Variants in PCDH9 observed in about 807,000 individuals in gnomAD.
PCDH9 encodes protocadherin-9.
In PCDH9, 24 loss-of-function variants were observed where a neutral mutation model predicts 70.6. The ratio of observed to expected loss-of-function variants is 0.34; its 90% CI spans 0.25 to 0.48. The LOEUF (loss-of-function observed/expected upper bound fraction) is 0.48. PCDH9 is among the 20% of genes least tolerant of loss of function. The pLI is 0.99. For synonymous variants in PCDH9, 562 were observed against 558.5 expected, an observed-to-expected ratio of 1.01 and a Z score of -0.09; for missense variants, 1,281 against 1,503.6, an observed-to-expected ratio of 0.85 and a Z score of 2.45.
chr13:66,600,314 C>T (rs1045432251), intron 4 of PCDH9, among the ~76,000 whole-genome samples: 3 of 151,802 alleles, frequency 2.0e-5, no homozygotes, highest in African/African-American at 4.8e-5. Context: ...TTCAAAACAA[C>T]GTATTTTAGA....
chr13:67,132,925 G>T (rs1365609155), intron 2 of PCDH9, among the ~76,000 whole-genome samples: 6 of 152,016 alleles, frequency 3.9e-5, no homozygotes, highest in African/African-American at 1.4e-4. Flanking sequence ...TGACTACTCT[G>T]TGTGTTTTCT....
chr13:66,879,544 T>C (rs1031702250), intron 3 of PCDH9, among the ~76,000 whole-genome samples: 3 of 152,170 alleles, frequency 2.0e-5, no homozygotes, highest in African/African-American at 7.2e-5. Flanking sequence ...GATGACATGA[T>C]AGCTTTGGAA....
rs534727487 is a variant in PCDH9 at position 67,018,597 on chromosome 13, A to G, written c.3037-114992T>C. ...TTGTGCCACTGCACTTCAGCCTGGC[A>G]ACAGAGCGAGACTCGTCTCAAAAAA... On this transcript the variant is annotated intron_variant, in intron 2 of 4. Transcript: ENST00000377865. Among the ~76,000 whole-genome samples, 617 of 150,082 alleles carry G rather than the reference A, an allele frequency of 4.1e-3. 3 individuals carry two copies. The highest frequency in any genetic ancestry group is 7.4e-3 in the Non-Finnish European group (498 of 67,434).
Position 66,643,537 on chromosome 13 carries a change from T to C in PCDH9, c.3139-12126A>G, listed in dbSNP as rs534657480. ...TAGTTAGTCTGTCCTTTGAAAACAT[T>C]ACCGAGTCACCTATCTCAGTTATTT... On this transcript the variant is annotated intron_variant, in intron 3 of 4. Coordinates refer to ENST00000377865, the MANE Select transcript of PCDH9 (RefSeq NM_203487.3). 4.9e-4 allele frequency among the ~76,000 whole-genome samples: 75 copies of C among 152,162 alleles called. 2 individuals carry two copies. The South Asian group carries it at 0.015, about 31-fold the overall frequency.
intron 4 of PCDH9, among the ~76,000 whole-genome samples, chr13:66,563,616 G>T (rs2076609101): frequency 6.6e-6 from 1 of 151,860 alleles, no homozygotes; most frequent in Non-Finnish European, 1.5e-5. Flanking sequence ...TACCATGCTG[G>T]GTGTCACATA....
At position 66,481,301 on chromosome 13, in the gene PCDH9, TA is replaced by T. The variant is rs35064904; in HGVS notation, c.3340+149908del. On this transcript the variant is annotated intron_variant, in intron 4 of 4. Coordinates refer to ENST00000377865, the MANE Select transcript of PCDH9 (RefSeq NM_203487.3). ...ACATGTACCCCAGAACTTAAAGTAT[TA>T]AAAAAAAAAAAAAAGAAACTGCCAT... Among the ~76,000 whole-genome samples, 1,125 of 138,606 alleles carry T rather than the reference TA, an allele frequency of 8.1e-3. 11 individuals carry two copies. The highest frequency in any genetic ancestry group is 0.02 in the African/African-American group (753 of 37,682). The allele number at this position is 138,606 out of a possible 152,430, so 90.9% of individuals were successfully genotyped here.
intron 4 of PCDH9, among the ~76,000 whole-genome samples, chr13:66,317,227 A>T (rs2138077675): frequency 6.6e-6 from 1 of 152,302 alleles, no homozygotes; most frequent in South Asian, 2.1e-4. Flanking sequence ...AGAAAAAAAA[A>T]GTTAGCACTG....
At chr13:67,151,832 C>G (rs9317643) in intron 2 of PCDH9, among the ~76,000 whole-genome samples, 25,307 of 151,936 alleles carry the variant, frequency 0.17, 2,385 homozygotes, top group Non-Finnish European at 0.2. Flanking sequence ...TAGCTGCAGG[C>G]AACATCTCCA....
chr13:66,419,132 G>A (rs550533338), intron 4 of PCDH9, among the ~76,000 whole-genome samples: 24 of 151,966 alleles, frequency 1.6e-4, no homozygotes, highest in African/African-American at 4.8e-4. Flanking sequence ...AGGACCAGAC[G>A]GATTTTCTAT....
At chr13:66,536,954 C>T (rs1258449561) in intron 4 of PCDH9, among the ~76,000 whole-genome samples, 2 of 152,032 alleles carry the variant, frequency 1.3e-5, no homozygotes, top group Non-Finnish European at 2.9e-5. Flanking sequence ...GAGCTAAAAG[C>T]TCTCAAAAAA....
At chr13:66,394,041 A>AT (rs1225711234) in intron 4 of PCDH9, among the ~76,000 whole-genome samples, 1 of 152,142 alleles carries the variant, frequency 6.6e-6, no homozygotes, top group Non-Finnish European at 1.5e-5. Flanking sequence ...ATACTATTTC[A>AT]TTTTTTATTT....
chr13:66,408,055 T>C (rs1321044442), intron 4 of PCDH9, among the ~76,000 whole-genome samples: 3 of 149,728 alleles, frequency 2.0e-5, no homozygotes, highest in African/African-American at 7.3e-5. Context: ...GATCACTTTT[T>C]TTTTTTTTTT....
At position 66,445,556 on chromosome 13, in the gene PCDH9, T is replaced by C. The variant is rs929958104; in HGVS notation, c.3341-140528A>G. Among the ~76,000 whole-genome samples, 5 of 143,244 alleles carry C rather than the reference T, an allele frequency of 3.5e-5. 1 individual carries two copies. The highest frequency in any genetic ancestry group is 2.9e-4 in the Admixed American group (4 of 13,828). 94.0% of individuals were successfully genotyped at this position (143,244 alleles called of 152,430 possible). On this transcript the variant is annotated intron_variant, in intron 4 of 4. Transcript: ENST00000377865. ...CATATATATTATATATACACATATATAATATATACGTGTATATATTATATA... is the reference window on the plus strand; with the variant it reads ...CATATATATTATATATACACATATACAATATATACGTGTATATATTATATA...
chr13:66,456,374 G>C (rs1041494795), intron 4 of PCDH9, among the ~76,000 whole-genome samples: 1 of 152,020 alleles, frequency 6.6e-6, no homozygotes, highest in Non-Finnish European at 1.5e-5. Flanking sequence ...GGATCCTTCT[G>C]CCTCAATCTC....
chr13:66,536,164 T>C (rs1242168795), intron 4 of PCDH9, among the ~76,000 whole-genome samples: 4 of 152,070 alleles, frequency 2.6e-5, no homozygotes, highest in Non-Finnish European at 5.9e-5. Context: ...CATATGGTTG[T>C]AGGACAAGTA....
intron 3 of PCDH9, among the ~76,000 whole-genome samples, chr13:66,699,355 C>T (rs1001002737): frequency 1.1e-4 from 16 of 152,244 alleles, no homozygotes; most frequent in Admixed American, 8.5e-4. Context: ...TTCCCCAAAA[C>T]AAATGTCTGT....
intron 2 of PCDH9, among the ~76,000 whole-genome samples, chr13:67,062,304 T>G (rs2085554696): frequency 1.3e-5 from 2 of 152,168 alleles, no homozygotes; most frequent in Admixed American, 1.3e-4. Flanking sequence ...TCCCTCAACA[T>G]ATTACAGGAA....
chr13:66,434,975 G>T (rs1957842837), intron 4 of PCDH9, among the ~76,000 whole-genome samples: 1 of 152,208 alleles, frequency 6.6e-6, no homozygotes, highest in Non-Finnish European at 1.5e-5. Flanking sequence ...AGTACAAGCT[G>T]CAGTAGAAGT....
intron 2 of PCDH9, among the ~76,000 whole-genome samples, chr13:66,916,699 C>T (rs112408118): frequency 1.3e-5 from 2 of 151,446 alleles, no homozygotes; most frequent in East Asian, 1.9e-4. Flanking sequence ...CCGAACTTTA[C>T]CAACCTGTAC....
Sources: gnomAD v4.1 joint callset for allele counts (sites outside exome capture counted in the v4.1 genomes callset) on GRCh38, gnomAD v4.1.1 for gene constraint, MANE v1.5 for transcripts, NCBI Gene and HGNC (gene_info 2026-07-23, HGNC 2026-07-21) for gene names.